Variants in GSTA1 observed in about 807,000 individuals in gnomAD.
GSTA1 encodes glutathione S-transferase A1.
Under a neutral mutation model 21.5 loss-of-function variants are expected in GSTA1, and 23 were observed. That is an observed-to-expected ratio of 1.07 (90% CI 0.77 to 1.52). The LOEUF (loss-of-function observed/expected upper bound fraction) is 1.52. Ranked by LOEUF, GSTA1 falls within the 40% of genes most tolerant of loss-of-function variation. GSTA1 has a pLI of 0.00. For missense variants in GSTA1, 301 were observed against 264.2 expected, an observed-to-expected ratio of 1.14 and a Z score of -0.96; for synonymous variants, 125 against 90.0, an observed-to-expected ratio of 1.39 and a Z score of -2.20.
intron 5 of GSTA1, 137 bp from the exon 6 acceptor site, chr6:52,793,124 C>A (rs1763499494): frequency 1.4e-5 from 17 of 1,197,244 alleles, no homozygotes; most frequent in Non-Finnish European, 2.1e-5. Flanking sequence ...AGAGCTTTCT[C>A]CACATTATCT....
chr6:52,802,693 T>TA (rs1561916402), intron 1 of GSTA1, among the ~76,000 whole-genome samples: 1 of 152,222 alleles, frequency 6.6e-6, no homozygotes, highest in African/African-American at 2.4e-5. Context: ...TCAATCGTTC[T>TA]ATGTATCTAT....
chr6:52,799,603 T>C (rs1763666788), intron 1 of GSTA1, among the ~76,000 whole-genome samples: 1 of 152,208 alleles, frequency 6.6e-6, no homozygotes, highest in African/African-American at 2.4e-5. Context: ...ATTCAAGAAC[T>C]AATATTTATT....
chr6:52,801,133 A>T (rs1175471453), intron 1 of GSTA1, among the ~76,000 whole-genome samples: 1 of 152,190 alleles, frequency 6.6e-6, no homozygotes, highest in Non-Finnish European at 1.5e-5. Context: ...CACTCGCCTC[A>T]GCCTCCCGAA....
intron 4 of GSTA1, 134 bp from the exon 5 acceptor site, chr6:52,794,400 T>A (rs1332163247): frequency 1.3e-6 from 1 of 756,808 alleles, no homozygotes; most frequent in Non-Finnish European, 2.1e-6. Context: ...TATAGTCTAG[T>A]CATTATGCTC....
Position 52,791,636 on chromosome 6 carries a change from G to T in GSTA1, c.*222C>A. On this transcript the variant is annotated 3_prime_UTR_variant, in exon 7 of 7. Coordinates refer to ENST00000334575, the MANE Select transcript of GSTA1 (RefSeq NM_145740.5). ...ATTTTTAATTCCAGGAAAATGGTTG[G>T]CTAGGAGAAGATTGGAAATCTGAAT... 2 of 489,194 alleles carry T rather than the reference G, an allele frequency of 4.1e-6. No individual in the cohort carries two copies. Among genetic ancestry groups the T allele is most frequent in the Non-Finnish European group, 3.4e-6 (1 of 290,076 alleles). 30.3% of individuals were successfully genotyped at this position (489,194 alleles called of 1,614,324 possible).
chr6:52,803,640 C>T, intron 1 of GSTA1, 145 bp downstream of exon 1: 1 of 167,930 alleles, frequency 6.0e-6, no homozygotes. Context: ...AATTCTTGAA[C>T]TGTCACCCAA....
At chr6:52,793,287 CAT>C (rs1763502347) in intron 5 of GSTA1, among the ~76,000 whole-genome samples, 4 of 152,164 alleles carry the variant, frequency 2.6e-5, no homozygotes, top group Non-Finnish European at 4.4e-5. Flanking sequence ...CACCTGCCTC[CAT>C]GTGTTCTGTC....
chr6:52,791,664 A>T lies in GSTA1; in HGVS notation c.*194T>A, dbSNP rs916405322. 1.7e-6 allele frequency: 1 copy of T among 604,564 alleles called. No individual in the cohort carries two copies. The highest frequency in any genetic ancestry group is 2.7e-6 in the Non-Finnish European group (1 of 376,214). 37.4% of individuals were successfully genotyped at this position (604,564 alleles called of 1,614,324 possible). A position where few individuals can be genotyped will look rare whatever the true frequency, so the allele number is the denominator to read the frequency against. On this transcript the variant is annotated 3_prime_UTR_variant, in exon 7 of 7. Coordinates refer to ENST00000334575, the MANE Select transcript of GSTA1 (RefSeq NM_145740.5). ...AGGAGAAGATTGGAAATCTGAATTC[A>T]CATCAGATCCTAATGAAAACAAATC...
chr6:52,796,541 A>ATTTTTT (rs1198221761), intron 3 of GSTA1, among the ~76,000 whole-genome samples: 10 of 34,286 alleles, frequency 2.9e-4, no homozygotes, highest in African/African-American at 6.9e-4. Context: ...ATATATATAT[A>ATTTTTT]TATTTTTTTT....
intron 2 of GSTA1, 42 bp downstream of exon 2, chr6:52,799,139 C>G: frequency 6.3e-7 from 1 of 1,575,986 alleles, no homozygotes; most frequent in South Asian, 1.1e-5. Flanking sequence ...TGTGATAACA[C>G]AATTTTAAAT....
intron 5 of GSTA1, among the ~76,000 whole-genome samples, chr6:52,793,780 T>C (rs1458580252): frequency 6.6e-6 from 1 of 152,218 alleles, no homozygotes; most frequent in Non-Finnish European, 1.5e-5. Flanking sequence ...GCTTTCATCA[T>C]GCCCCTGTTC....
intron 5 of GSTA1, among the ~76,000 whole-genome samples, chr6:52,793,256 C>T (rs1465048257): frequency 6.6e-6 from 1 of 152,142 alleles, no homozygotes; most frequent in Non-Finnish European, 1.5e-5. Context: ...CTTGCTTCTT[C>T]CACATGGGCC....
chr6:52,797,111 T>A (rs1763609871), intron 3 of GSTA1, among the ~76,000 whole-genome samples: 1 of 151,712 alleles, frequency 6.6e-6, no homozygotes, highest in Non-Finnish European at 1.5e-5. Context: ...TTCTGAGAGG[T>A]TTTTATGTAA....
intron 2 of GSTA1, among the ~76,000 whole-genome samples, chr6:52,798,021 G>A (rs903720718): frequency 6.6e-6 from 1 of 152,188 alleles, no homozygotes; most frequent in African/African-American, 2.4e-5. Context: ...TCCCCAGCAT[G>A]AGGCATGCCA....
At chr6:52,794,541 A>G (rs923064868) in intron 4 of GSTA1, among the ~76,000 whole-genome samples, 5 of 152,216 alleles carry the variant, frequency 3.3e-5, no homozygotes, top group Non-Finnish European at 5.9e-5. Context: ...AGAAATTGGC[A>G]GAATCACTGC....
chr6:52,796,543 A>ATATTTTTTTTTTTTTTTTTTT (rs1300549721), intron 3 of GSTA1, among the ~76,000 whole-genome samples: 1 of 23,772 alleles, frequency 4.2e-5, no homozygotes, highest in Non-Finnish European at 1.1e-4. Flanking sequence ...ATATATATAT[A>ATATTTTTTTTTTTTTTTTTTT]TTTTTTTTTT....
At chr6:52,794,477 T>C (rs1411693411) in intron 4 of GSTA1, among the ~76,000 whole-genome samples, 2 of 152,212 alleles carry the variant, frequency 1.3e-5, no homozygotes, top group Non-Finnish European at 2.9e-5. Flanking sequence ...CTAAATTTTG[T>C]TACACACATG....
intron 2 of GSTA1, among the ~76,000 whole-genome samples, chr6:52,798,907 C>T (rs9349644): frequency 0.97 from 147,818 of 152,334 alleles, 71,872 homozygotes; most frequent in South Asian, 1. Context: ...TGTATAAATG[C>T]TATAAATTAT....
intron 1 of GSTA1, among the ~76,000 whole-genome samples, chr6:52,803,363 A>C (rs1581800929): frequency 6.6e-6 from 1 of 151,994 alleles, no homozygotes; most frequent in East Asian, 1.9e-4. Context: ...ATTATACTAA[A>C]CCTGAGTTTT....
Sources: allele counts gnomAD v4.1 joint callset (sites outside exome capture counted in the v4.1 genomes callset), GRCh38; gene constraint gnomAD v4.1.1; transcripts MANE v1.5; gene names NCBI Gene and HGNC (gene_info 2026-07-23, HGNC 2026-07-21).